Variants in KLF12 observed in about 807,000 individuals in gnomAD.
The protein encoded by KLF12 is Krueppel-like factor 12.
Under a neutral mutation model 37.8 loss-of-function variants are expected in KLF12, and 9 were observed. The observed-to-expected ratio is 0.24, with a 90% CI of 0.14 to 0.42. The LOEUF (loss-of-function observed/expected upper bound fraction) is 0.42, where lower values mean the gene tolerates loss of function less well. KLF12 is among the 10% of genes least tolerant of loss of function. The pLI is 1.00. For synonymous variants in KLF12, 208 were observed against 202.1 expected (o/e 1.03, Z -0.25); for missense variants, 411 against 516.0 (o/e 0.80, Z 1.97).
the KLF12 span, among the ~76,000 whole-genome samples, chr13:74,272,799 G>A: frequency 6.6e-6 from 1 of 152,122 alleles, no homozygotes. Context: ...TGGAGTTTAG[G>A]AAACTCAAGA....
chr13:73,697,074 A>G (rs1013005657), intron 7 of KLF12, among the ~76,000 whole-genome samples: 2 of 137,662 alleles, frequency 1.5e-5, no homozygotes, highest in African/African-American at 2.7e-5. Context: ...ACTTGAATGT[A>G]TTAATACAAC....
At chr13:74,079,580 T>C (rs7334619) in intron 1 of KLF12, among the ~76,000 whole-genome samples, 92,360 of 151,960 alleles carry the variant, frequency 0.61, 28,410 homozygotes, top group East Asian at 0.87. Context: ...CCTTTTTCAA[T>C]GGACTGGTGA....
chr13:73,703,347 A>G (rs986081934), intron 7 of KLF12, among the ~76,000 whole-genome samples: 1 of 152,158 alleles, frequency 6.6e-6, no homozygotes, highest in African/African-American at 2.4e-5. Context: ...TTTTGGGGTA[A>G]GCAGATGCCA....
the KLF12 span, among the ~76,000 whole-genome samples, chr13:74,189,436 C>T: frequency 4.0e-3 from 615 of 152,284 alleles, 2 homozygotes; most frequent in Non-Finnish European, 7.4e-3. Context: ...TAGATGGCAC[C>T]GAGCTTAACT....
the KLF12 span, among the ~76,000 whole-genome samples, chr13:74,181,701 G>GAAAA: frequency 1.5e-5 from 1 of 64,978 alleles, no homozygotes. Flanking sequence ...GATTCTGTCT[G>GAAAA]AAAAAAAAAA....
At chr13:74,072,981 G>A (rs573526086) in intron 1 of KLF12, among the ~76,000 whole-genome samples, 13 of 152,286 alleles carry the variant, frequency 8.5e-5, no homozygotes, top group Non-Finnish European at 1.9e-4. Context: ...AATCATGGCG[G>A]TGGGTTCTTC....
At chr13:74,090,074 A>C (rs1166845410) in intron 1 of KLF12, among the ~76,000 whole-genome samples, 1 of 152,132 alleles carries the variant, frequency 6.6e-6, no homozygotes, top group Non-Finnish European at 1.5e-5. Flanking sequence ...ATTACAACTA[A>C]TAAATGAGTT....
chr13:74,051,648 G>A (rs1184823002), intron 1 of KLF12, among the ~76,000 whole-genome samples: 1 of 151,874 alleles, frequency 6.6e-6, no homozygotes, highest in Non-Finnish European at 1.5e-5. Flanking sequence ...ATCACCACTC[G>A]CCATCACACC....
chr13:74,059,753 C>A (rs954980006), intron 1 of KLF12, among the ~76,000 whole-genome samples: 2 of 152,088 alleles, frequency 1.3e-5, no homozygotes, highest in African/African-American at 2.4e-5. Context: ...TTGATTATTT[C>A]TTTTGCTGTG....
the KLF12 span, among the ~76,000 whole-genome samples, chr13:74,216,579 T>C: frequency 6.6e-6 from 1 of 152,184 alleles, no homozygotes; most frequent in Admixed American, 6.5e-5. Context: ...CTTCATTTAT[T>C]CTCGATTTCT....
At chr13:73,738,411 CAA>C (rs986403459) in intron 6 of KLF12, among the ~76,000 whole-genome samples, 6 of 151,816 alleles carry the variant, frequency 4.0e-5, no homozygotes, top group African/African-American at 1.5e-4. Flanking sequence ...CTCAGCCTCC[CAA>C]AGTGTTTGGA....
the KLF12 span, among the ~76,000 whole-genome samples, chr13:74,216,342 T>C: frequency 6.6e-6 from 1 of 152,194 alleles, no homozygotes; most frequent in Admixed American, 6.5e-5. Flanking sequence ...TAGGTTTAAA[T>C]ATTCAAGTGT....
At chr13:73,716,250 T>C (rs1027868738) in intron 6 of KLF12, among the ~76,000 whole-genome samples, 4 of 152,208 alleles carry the variant, frequency 2.6e-5, no homozygotes, top group Non-Finnish European at 5.9e-5. Flanking sequence ...ACAGGATTAG[T>C]TTATAATGTC....
chr13:73,904,696 T>C (rs143681463), intron 3 of KLF12, among the ~76,000 whole-genome samples: 1 of 152,292 alleles, frequency 6.6e-6, no homozygotes, highest in Non-Finnish European at 1.5e-5. Flanking sequence ...TCTGAGTTTA[T>C]TACCATTGTA....
intron 1 of KLF12, among the ~76,000 whole-genome samples, chr13:74,124,928 T>C (rs1028977117): frequency 2.0e-5 from 3 of 152,174 alleles, no homozygotes; most frequent in African/African-American, 7.2e-5. Context: ...GGTGGATCAC[T>C]TGAGGTCAGG....
At chr13:74,260,630 G>GAA in the KLF12 span, among the ~76,000 whole-genome samples, 1 of 130,780 alleles carries the variant, frequency 7.6e-6, no homozygotes, top group African/African-American at 3.0e-5. Flanking sequence ...AAATAAAATA[G>GAA]TGAATTAATT....
At chr13:73,826,392 A>T (rs1387596825) in intron 4 of KLF12, among the ~76,000 whole-genome samples, 1 of 152,192 alleles carries the variant, frequency 6.6e-6, no homozygotes, top group Non-Finnish European at 1.5e-5. Context: ...ATAAACAACC[A>T]TTTAACATAG....
intron 1 of KLF12, among the ~76,000 whole-genome samples, chr13:74,128,271 T>C (rs1878054595): frequency 6.6e-6 from 1 of 152,218 alleles, no homozygotes; most frequent in African/African-American, 2.4e-5. Flanking sequence ...GCCAGAGTTT[T>C]CTACCCACAC....
upstream of KLF12, among the ~76,000 whole-genome samples, chr13:74,137,582 C>T (rs560869652): frequency 6.6e-6 from 1 of 152,226 alleles, no homozygotes; most frequent in South Asian, 2.1e-4. Flanking sequence ...ACCCTCAAAG[C>T]AGATAAAATA....
Sources: gnomAD v4.1 joint callset for allele counts (sites outside exome capture counted in the v4.1 genomes callset) on GRCh38, gnomAD v4.1.1 for gene constraint, MANE v1.5 for transcripts, NCBI Gene and HGNC (gene_info 2026-07-23, HGNC 2026-07-21) for gene names.